ZNF423: variants seen among roughly 807,000 people sequenced by gnomAD.
ZNF423 encodes Ebf-associated zinc finger protein.
A neutral mutation model predicts 95.8 loss-of-function variants in ZNF423; 12 were observed. The observed-to-expected ratio is 0.13, with a 90% CI of 0.08 to 0.20. The LOEUF is 0.20. ZNF423 is among the 10% of genes least tolerant of loss of function. The probability of loss-of-function intolerance (pLI) is 1.00; values close to 1 mark genes in which losing one functional copy is unlikely to be tolerated. For missense variants in ZNF423, 1,316 were observed against 1,737.1 expected, an observed-to-expected ratio of 0.76 and a Z score of 4.31; for synonymous variants, 749 against 711.9, an observed-to-expected ratio of 1.05 and a Z score of -0.83.
intron 1 of ZNF423, among the ~76,000 whole-genome samples, chr16:49,816,530 G>A (rs2034858463): frequency 6.6e-6 from 1 of 152,160 alleles, no homozygotes; most frequent in African/African-American, 2.4e-5. Context: ...GTTCATGCCT[G>A]TAATCCCAAC....
chr16:49,637,316 C>A lies in ZNF423; in HGVS notation c.1860G>T (p.Val620=), dbSNP rs775740015. 3.7e-6 allele frequency: 6 copies of A among 1,614,114 alleles called. No homozygotes were observed. In the African/African-American group the frequency reaches 4.0e-5, roughly 11 times the overall value. Residue 620 remains valine (V), a synonymous_variant, in exon 4 of 8, where the codon GTG becomes GTT. Transcript: ENST00000563137. The surrounding 1 kb of genome is among the most constrained non-coding windows in gnomAD (Gnocchi z 5.6). ...EQSPVSSDVE[V]SSPKRQRLSA... ...AGAGCCGCTGCCGCTTCGGGGAAGA[C>A]ACCTCCACATCGGACGAGACTGGGC...
chr16:49,513,319 G>C (rs1221816626), intron 7 of ZNF423, among the ~76,000 whole-genome samples: 1 of 152,192 alleles, frequency 6.6e-6, no homozygotes, highest in Non-Finnish European at 1.5e-5. Flanking sequence ...GACAAGGATG[G>C]GGCCATCTCT....
At chr16:49,501,128 T>C (rs1318895180) in intron 7 of ZNF423, among the ~76,000 whole-genome samples, 1 of 152,198 alleles carries the variant, frequency 6.6e-6, no homozygotes, top group East Asian at 1.9e-4. Context: ...AGGATTCCTC[T>C]GACCACATGG....
intron 5 of ZNF423, among the ~76,000 whole-genome samples, chr16:49,555,229 A>T (rs1392002243): frequency 6.6e-6 from 1 of 151,990 alleles, no homozygotes; most frequent in Non-Finnish European, 1.5e-5. Flanking sequence ...GGTCCCTCCC[A>T]CTCCAAAATC....
chr16:49,703,571 C>T (rs981009250), intron 3 of ZNF423, among the ~76,000 whole-genome samples: 18 of 152,254 alleles, frequency 1.2e-4, no homozygotes, highest in Non-Finnish European at 2.4e-4. Flanking sequence ...AATGGCTCTT[C>T]CTAGAGAAGG....
At chr16:49,517,324 C>T (rs1968187927) in intron 7 of ZNF423, among the ~76,000 whole-genome samples, 1 of 152,234 alleles carries the variant, frequency 6.6e-6, no homozygotes, top group African/African-American at 2.4e-5. Context: ...TTGGCGCCCA[C>T]TGCCAAAAGT....
At chr16:49,570,681 C>T (rs1567474967) in intron 5 of ZNF423, among the ~76,000 whole-genome samples, 2 of 152,206 alleles carry the variant, frequency 1.3e-5, no homozygotes. Context: ...CAACTTGGCC[C>T]TCTTTGGGGA....
intron 1 of ZNF423, among the ~76,000 whole-genome samples, chr16:49,839,342 A>G (rs1211953414): frequency 1.3e-5 from 2 of 151,886 alleles, no homozygotes; most frequent in Admixed American, 6.5e-5. Context: ...TGCCTTGGAG[A>G]GGGGCCGGCC....
chr16:49,577,207 G>A (rs368211781), intron 5 of ZNF423, among the ~76,000 whole-genome samples: 1 of 152,160 alleles, frequency 6.6e-6, no homozygotes, highest in African/African-American at 2.4e-5. Context: ...GGAAAGAGTT[G>A]TAGGAAAAGA....
intron 3 of ZNF423, among the ~76,000 whole-genome samples, chr16:49,651,347 GAGA>G (rs1464183173): frequency 1.3e-5 from 2 of 152,126 alleles, no homozygotes; most frequent in Non-Finnish European, 2.9e-5. Flanking sequence ...TTTCTTGAAG[GAGA>G]AGAAGGCCTG....
At chr16:49,701,206 G>A (rs2032169637) in intron 3 of ZNF423, among the ~76,000 whole-genome samples, 1 of 152,248 alleles carries the variant, frequency 6.6e-6, no homozygotes, top group Admixed American at 6.5e-5. Flanking sequence ...GATGGAGGCT[G>A]AGATGAGTCA....
chr16:49,771,920 A>G (rs1439125705), intron 2 of ZNF423, among the ~76,000 whole-genome samples: 1 of 152,192 alleles, frequency 6.6e-6, no homozygotes, highest in Non-Finnish European at 1.5e-5. Context: ...TCTCCCAAGA[A>G]CTAGAGTCAA....
chr16:49,788,333 T>C (rs983130432), intron 2 of ZNF423, among the ~76,000 whole-genome samples: 52 of 152,352 alleles, frequency 3.4e-4, no homozygotes, highest in Admixed American at 2.2e-3. Context: ...CCAAATTTCA[T>C]TGAACCATCT....
chr16:49,657,800 G>T (rs2029965737), intron 3 of ZNF423, among the ~76,000 whole-genome samples: 1 of 152,158 alleles, frequency 6.6e-6, no homozygotes, highest in Non-Finnish European at 1.5e-5. Flanking sequence ...GTGTTCAGGG[G>T]TCCTCCCTGC....
intron 5 of ZNF423, among the ~76,000 whole-genome samples, chr16:49,574,208 A>ACCC (rs199705661): frequency 1.3e-5 from 2 of 152,076 alleles, no homozygotes; most frequent in African/African-American, 4.8e-5. Context: ...ACATAGTGGG[A>ACCC]CCCGCTGTCT....
At chr16:49,643,756 T>A (rs1973063099) in intron 3 of ZNF423, among the ~76,000 whole-genome samples, 1 of 151,614 alleles carries the variant, frequency 6.6e-6, no homozygotes, top group Non-Finnish European at 1.5e-5. Context: ...AAAGGCCAAA[T>A]AGGAAATGGG....
chr16:49,636,538 G>C lies in ZNF423; in HGVS notation c.2638C>G (p.His880Asp), dbSNP rs1490108753. Residue 880 changes from histidine (H) to aspartate (D), a missense_variant, in exon 4 of 8, where the codon CAT (histidine) becomes GAT (aspartate). Coordinates refer to ENST00000563137, the MANE Select transcript of ZNF423 (RefSeq NM_001379286.1). The surrounding 1 kb of genome is among the most constrained non-coding windows in gnomAD (Gnocchi z 8.6). ...TCCACGTCATCCTCGCTGGCCTCAT[G>C]GCTGTTAGGTGCCTCAGGGTTCTTA... Reference protein sequence around the residue: ...LLKNPEAPNSHEASEDDVDAS... With the variant: ...LLKNPEAPNSDEASEDDVDAS... 2 of 1,613,840 alleles carry C rather than the reference G, an allele frequency of 1.2e-6. No individual in the cohort carries two copies. Among genetic ancestry groups the C allele is most frequent in the African/African-American group, 2.7e-5 (2 of 74,912 alleles).
intron 3 of ZNF423, among the ~76,000 whole-genome samples, chr16:49,712,129 T>A (rs570188627): frequency 2.6e-5 from 4 of 152,180 alleles, no homozygotes; most frequent in Admixed American, 6.5e-5. Context: ...TTTAAAAAAA[T>A]AATAATAATA....
intron 3 of ZNF423, among the ~76,000 whole-genome samples, chr16:49,654,537 G>A (rs550426291): frequency 1.1e-4 from 16 of 152,352 alleles, no homozygotes; most frequent in East Asian, 7.7e-4. Context: ...CTCCAAGCCC[G>A]GGAGGGCTGG....
Sources: allele counts gnomAD v4.1 joint callset (sites outside exome capture counted in the v4.1 genomes callset), GRCh38; gene constraint gnomAD v4.1.1; non-coding constraint Gnocchi (gnomAD v3.1); transcripts MANE v1.5; gene names NCBI Gene and HGNC (gene_info 2026-07-23, HGNC 2026-07-21).